ELOVL5: variants seen among roughly 807,000 people sequenced by gnomAD.
The protein encoded by ELOVL5 is ELOVL fatty acid elongase 5, also known as very long chain fatty acid elongase 5.
ELOVL5 carries 8 observed loss-of-function variants against 38.6 expected under a neutral mutation model. The ratio of observed to expected loss-of-function variants is 0.21; its 90% confidence interval spans 0.12 to 0.37. The LOEUF (loss-of-function observed/expected upper bound fraction) is 0.37, where lower values mean the gene tolerates loss of function less well. Ranked by LOEUF, ELOVL5 falls within the 10% of genes least tolerant of loss-of-function variation. ELOVL5 has a pLI of 1.00. For synonymous variants in ELOVL5, 127 were observed against 133.7 expected (o/e 0.95, Z 0.34); for missense variants, 280 against 367.8 (o/e 0.76, Z 1.95).
chr6:53,294,665 C>T (rs190814844), intron 2 of ELOVL5, among the ~76,000 whole-genome samples: 1 of 152,276 alleles, frequency 6.6e-6, no homozygotes, highest in Non-Finnish European at 1.5e-5. Flanking sequence ...AAGGCACTAT[C>T]CCAACCCAAG....
intron 2 of ELOVL5, chr6:53,294,370 C>T: frequency 6.4e-7 from 1 of 1,566,298 alleles, no homozygotes; most frequent in Non-Finnish European, 8.7e-7. Flanking sequence ...CTTCTTTATG[C>T]TTAAAACCAC....
chr6:53,304,771 C>A (rs1394378377), intron 1 of ELOVL5, among the ~76,000 whole-genome samples: 1 of 152,228 alleles, frequency 6.6e-6, no homozygotes, highest in Non-Finnish European at 1.5e-5. Flanking sequence ...AGGATCCCAA[C>A]GCAGAAGAAT....
At chr6:53,317,958 T>C (rs928661207) in intron 1 of ELOVL5, among the ~76,000 whole-genome samples, 3 of 152,282 alleles carry the variant, frequency 2.0e-5, no homozygotes, top group African/African-American at 7.2e-5. Context: ...TAGCAACTAA[T>C]ACTCACTCTA....
At chr6:53,339,035 T>A (rs1280110839) in intron 1 of ELOVL5, among the ~76,000 whole-genome samples, 1 of 151,406 alleles carries the variant, frequency 6.6e-6, no homozygotes, top group East Asian at 2.0e-4. Context: ...ATTTCTTTTT[T>A]AAAACTCAAT....
chr6:53,292,941 G>A (rs2127574767), intron 2 of ELOVL5, among the ~76,000 whole-genome samples: 1 of 152,308 alleles, frequency 6.6e-6, no homozygotes, highest in East Asian at 1.9e-4. Flanking sequence ...GGTATAGGAA[G>A]GGCCTCTCCT....
intron 1 of ELOVL5, among the ~76,000 whole-genome samples, chr6:53,346,945 T>A (rs546615325): frequency 7.9e-5 from 12 of 152,354 alleles, no homozygotes; most frequent in Admixed American, 2.0e-4. Flanking sequence ...AACCACCATT[T>A]GGCAGACTCA....
chr6:53,317,897 T>C (rs1206663386), intron 1 of ELOVL5, among the ~76,000 whole-genome samples: 1 of 151,736 alleles, frequency 6.6e-6, no homozygotes, highest in Non-Finnish European at 1.5e-5. Context: ...AATGATGGAT[T>C]TTTCCCCCTT....
In ELOVL5 at chr6:53,269,232, G is replaced by A. The variant is rs1765837404; in HGVS notation, c.795C>T (p.His265=). 1 of 1,612,848 alleles carries A rather than the reference G, an allele frequency of 6.2e-7. No homozygotes were observed. Among genetic ancestry groups the A allele is most frequent in the Non-Finnish European group, 8.5e-7 (1 of 1,179,340 alleles). Reference sequence around the variant, plus strand: ...TGGACCCATTCTGGTGGTCCTTCAGGTGGTCTTTCCTTCGGGAGGCCCCTT... The same window carrying A: ...TGGACCCATTCTGGTGGTCCTTCAGATGGTCTTTCCTTCGGGAGGCCCCTT... ...NKKGASRRKD[H]LKDHQNGSMA... Residue 265 remains histidine (H), a synonymous_variant, in exon 8 of 8, where the codon CAC becomes CAT. Transcript: ENST00000304434.
chr6:53,319,972 T>C (rs1768230554), intron 1 of ELOVL5, among the ~76,000 whole-genome samples: 1 of 152,116 alleles, frequency 6.6e-6, no homozygotes, highest in Non-Finnish European at 1.5e-5. Flanking sequence ...ATCTACCAGG[T>C]TTATATATTT....
rs753581653 is a variant in ELOVL5, at chr6:53,275,274, G to A, written c.325-13C>T. On this transcript the variant is annotated splice_polypyrimidine_tract_variant and intron_variant, in intron 4 of 7. Transcript: ENST00000304434. ...GGACACGGATAATCTAAGAGGAAAG[G>A]GTCAAAGATTTAAGGCTTATCCTCA... The A allele has an allele frequency of 1.6e-4, 262 of 1,613,304 alleles. No homozygotes were observed. The highest frequency in any genetic ancestry group is 2.1e-4 in the Non-Finnish European group (245 of 1,179,436).
At chr6:53,278,623 G>A (rs982697612) in intron 3 of ELOVL5, among the ~76,000 whole-genome samples, 1 of 152,138 alleles carries the variant, frequency 6.6e-6, no homozygotes, top group Non-Finnish European at 1.5e-5. Context: ...ATTGGGTGGT[G>A]AACTTTTTTC....
At chr6:53,337,159 TG>T (rs1340938366) in intron 1 of ELOVL5, 3 of 152,472 alleles carry the variant, frequency 2.0e-5, no homozygotes, top group Non-Finnish European at 4.4e-5. Flanking sequence ...CACACGAACA[TG>T]GATGTCCATT....
intron 3 of ELOVL5, among the ~76,000 whole-genome samples, chr6:53,285,995 T>C (rs1766555596): frequency 6.6e-6 from 1 of 152,206 alleles, no homozygotes; most frequent in Non-Finnish European, 1.5e-5. Context: ...ACATAACTTT[T>C]ATATGCACTG....
intron 1 of ELOVL5, among the ~76,000 whole-genome samples, chr6:53,343,429 T>G (rs966626001): frequency 6.6e-6 from 1 of 152,142 alleles, no homozygotes. Context: ...CCCAGGCTGG[T>G]TGCAAACTCC....
At chr6:53,331,193 G>A (rs984073550) in intron 1 of ELOVL5, among the ~76,000 whole-genome samples, 8 of 152,056 alleles carry the variant, frequency 5.3e-5, no homozygotes, top group African/African-American at 1.2e-4. Context: ...CAGGCATGGT[G>A]GTACATACCT....
At chr6:53,275,308 C>G in intron 4 of ELOVL5, 47 bp from the exon 5 acceptor site, 1 of 1,580,496 alleles carries the variant, frequency 6.3e-7, no homozygotes, top group Non-Finnish European at 8.7e-7. Context: ...CACGGCTTCT[C>G]TGGAATATCA....
At chr6:53,279,500 T>A (rs1766276209) in intron 3 of ELOVL5, among the ~76,000 whole-genome samples, 1 of 152,158 alleles carries the variant, frequency 6.6e-6, no homozygotes, top group African/African-American at 2.4e-5. Flanking sequence ...CGAAGGGTGG[T>A]GACTGTGGCT....
chr6:53,317,447 T>C (rs1180803196), intron 1 of ELOVL5, among the ~76,000 whole-genome samples: 1 of 152,178 alleles, frequency 6.6e-6, no homozygotes, highest in Non-Finnish European at 1.5e-5. Flanking sequence ...ATATACACCA[T>C]GGAATACTAT....
At chr6:53,324,327 T>G (rs552020361) in intron 1 of ELOVL5, among the ~76,000 whole-genome samples, 8 of 151,724 alleles carry the variant, frequency 5.3e-5, no homozygotes, top group African/African-American at 1.9e-4. Context: ...GGATATTGAT[T>G]ACATAAGTTT....
Sources: gnomAD v4.1 joint callset for allele counts (sites outside exome capture counted in the v4.1 genomes callset) on GRCh38, gnomAD v4.1.1 for gene constraint, MANE v1.5 for transcripts, NCBI Gene and HGNC (gene_info 2026-07-23, HGNC 2026-07-21) for gene names.